The following MARCHF4 variants were observed in gnomAD, a reference collection of about 807,000 sequenced individuals.
MARCHF4 encodes the protein E3 ubiquitin-protein ligase MARCHF4.
MARCHF4 carries 14 observed loss-of-function variants against 43.9 expected under a neutral mutation model. The ratio of observed to expected loss-of-function variants is 0.32; its 90% confidence interval spans 0.21 to 0.50. The LOEUF (loss-of-function observed/expected upper bound fraction) is 0.50, where lower values mean the gene tolerates loss of function less well. Among genes scored for constraint, MARCHF4 ranks in the 20% least tolerant of loss-of-function variants. The pLI is 0.98. For missense variants in MARCHF4, 468 were observed against 536.7 expected, an observed-to-expected ratio of 0.87 and a Z score of 1.27; for synonymous variants, 226 against 213.3, an observed-to-expected ratio of 1.06 and a Z score of -0.52.
Position 216,325,304 on chromosome 2 carries a change from T to G in MARCHF4, c.517-41575A>C, listed in dbSNP as rs1345730420. Among the ~76,000 whole-genome samples the G allele has an allele frequency of 2.6e-5, 4 of 152,020 alleles. No homozygotes were observed. In the East Asian group the frequency reaches 5.8e-4, roughly 22 times the overall value. ...AGGAGAACTACAAACCACTGCTCAA[T>G]GAAATAAAAGAGGATACAAACAAAT... On this transcript the variant is annotated intron_variant, in intron 1 of 3. Transcript: ENST00000273067.
intron 3 of MARCHF4, among the ~76,000 whole-genome samples, chr2:216,269,090 C>CCA (rs1286131003): frequency 6.6e-6 from 1 of 152,150 alleles, no homozygotes; most frequent in Admixed American, 6.5e-5. Context: ...TGTTTTAAAG[C>CCA]TTTGGAAATA....
At chr2:216,296,115 C>CAG (rs1260265146) in intron 1 of MARCHF4, among the ~76,000 whole-genome samples, 1 of 152,180 alleles carries the variant, frequency 6.6e-6, no homozygotes, top group African/African-American at 2.4e-5. Context: ...CACTGCACTC[C>CAG]AGCCTGGGCA....
intron 1 of MARCHF4, among the ~76,000 whole-genome samples, chr2:216,320,643 CTTTCTTT>C: frequency 8.6e-6 from 1 of 116,392 alleles, no homozygotes; most frequent in Middle Eastern, 4.1e-3. Flanking sequence ...TTCTTTCTTT[CTTTCTTT>C]CTTTCTTTCT....
intron 1 of MARCHF4, among the ~76,000 whole-genome samples, chr2:216,342,551 GC>G (rs1692253821): frequency 6.6e-6 from 1 of 152,170 alleles, no homozygotes; most frequent in African/African-American, 2.4e-5. Flanking sequence ...GGCCTAGGAT[GC>G]CTGCAGGAAT....
intron 3 of MARCHF4, among the ~76,000 whole-genome samples, chr2:216,270,287 G>C (rs932497157): frequency 2.6e-5 from 4 of 152,040 alleles, no homozygotes; most frequent in African/African-American, 9.7e-5. Flanking sequence ...TGTTGCCTAG[G>C]CTGGTCTTGA....
At chr2:216,313,558 G>T (rs1691723658) in intron 1 of MARCHF4, among the ~76,000 whole-genome samples, 1 of 152,202 alleles carries the variant, frequency 6.6e-6, no homozygotes, top group African/African-American at 2.4e-5. Flanking sequence ...AGGAGCAAAT[G>T]GCATGTAACA....
intron 1 of MARCHF4, among the ~76,000 whole-genome samples, chr2:216,294,742 A>G (rs1691362665): frequency 6.6e-6 from 1 of 152,204 alleles, no homozygotes; most frequent in South Asian, 2.1e-4. Flanking sequence ...GCTGAGACTC[A>G]TTTTGTGAAG....
At chr2:216,264,884 C>T (rs942283469) in intron 3 of MARCHF4, among the ~76,000 whole-genome samples, 7 of 152,174 alleles carry the variant, frequency 4.6e-5, no homozygotes, top group African/African-American at 1.7e-4. Flanking sequence ...CTAGATAATG[C>T]TTGTTTGGGA....
chr2:216,310,921 C>T (rs1164194940), intron 1 of MARCHF4, among the ~76,000 whole-genome samples: 1 of 152,082 alleles, frequency 6.6e-6, no homozygotes, highest in East Asian at 1.9e-4. Context: ...ACCACATTAA[C>T]ATCACAAGTG....
At chr2:216,326,529 T>G (rs1480119624) in intron 1 of MARCHF4, among the ~76,000 whole-genome samples, 3 of 151,520 alleles carry the variant, frequency 2.0e-5, no homozygotes, top group Non-Finnish European at 4.4e-5. Flanking sequence ...TATTGCGGCA[T>G]TATTCACAAT....
intron 1 of MARCHF4, among the ~76,000 whole-genome samples, chr2:216,343,008 T>C (rs1465920054): frequency 1.3e-5 from 2 of 152,132 alleles, no homozygotes; most frequent in African/African-American, 4.8e-5. Flanking sequence ...GGAGCATACA[T>C]GTCTGTAGGA....
intron 1 of MARCHF4, among the ~76,000 whole-genome samples, chr2:216,284,667 T>C (rs978996212): frequency 6.6e-6 from 1 of 152,164 alleles, no homozygotes; most frequent in African/African-American, 2.4e-5. Flanking sequence ...GGTCTCTTCA[T>C]GTTGCCCAGG....
rs1332814768 is a variant in MARCHF4 at position 216,372,297 on chromosome 2, T to TCCGCCGCCGGCGCCGCGG, written c.-2055_-2038dup. 1.3e-5 allele frequency among the ~76,000 whole-genome samples: 2 copies of TCCGCCGCCGGCGCCGCGG among 151,986 alleles called. No homozygotes were observed. Among genetic ancestry groups the TCCGCCGCCGGCGCCGCGG allele is most frequent in the African/African-American group, 4.8e-5 (2 of 41,384 alleles). On this transcript the variant is annotated 5_prime_UTR_variant, in exon 1 of 4. Coordinates refer to ENST00000273067, the MANE Select transcript of MARCHF4 (RefSeq NM_020814.3). ...GCAGCGAGGGAGGCTCTCGGCTATC[T>TCCGCCGCCGGCGCCGCGG]CCGCCGCCGGCGCCGCGGCCGCCGC...
intron 1 of MARCHF4, among the ~76,000 whole-genome samples, chr2:216,291,932 C>T (rs1382515713): frequency 6.6e-6 from 1 of 152,216 alleles, no homozygotes; most frequent in East Asian, 1.9e-4. Flanking sequence ...CACATCCTCT[C>T]TGCCCATTGC....
chr2:216,322,521 C>T (rs1452180269), intron 1 of MARCHF4, among the ~76,000 whole-genome samples: 3 of 152,144 alleles, frequency 2.0e-5, no homozygotes, highest in Admixed American at 1.3e-4. Flanking sequence ...ATCAGATTAT[C>T]GGATTAAGAA....
At chr2:216,272,457 C>T (rs1690954772) in intron 3 of MARCHF4, among the ~76,000 whole-genome samples, 2 of 152,080 alleles carry the variant, frequency 1.3e-5, no homozygotes, top group Non-Finnish European at 2.9e-5. Flanking sequence ...GACTAATTTC[C>T]CCCCAACCTG....
intron 1 of MARCHF4, among the ~76,000 whole-genome samples, chr2:216,313,933 A>T (rs896503421): frequency 6.6e-6 from 1 of 152,208 alleles, no homozygotes; most frequent in Admixed American, 6.5e-5. Context: ...GAGAAAGGGA[A>T]GTCACTGCAG....
chr2:216,270,664 G>A (rs1690921676), intron 3 of MARCHF4, among the ~76,000 whole-genome samples: 1 of 152,062 alleles, frequency 6.6e-6, no homozygotes, highest in Admixed American at 6.5e-5. Flanking sequence ...TTAGGCTTAA[G>A]GTTAGTCCTT....
At chr2:216,323,052 A>G (rs866629086) in intron 1 of MARCHF4, among the ~76,000 whole-genome samples, 5 of 152,284 alleles carry the variant, frequency 3.3e-5, no homozygotes, top group African/African-American at 9.6e-5. Context: ...TAAGAATCCA[A>G]TGGTAATTCT....
Sources: gnomAD v4.1 joint callset for allele counts (sites outside exome capture counted in the v4.1 genomes callset) on GRCh38, gnomAD v4.1.1 for gene constraint, MANE v1.5 for transcripts, NCBI Gene and HGNC (gene_info 2026-07-23, HGNC 2026-07-21) for gene names.